USH2A: variants seen among roughly 807,000 people sequenced by gnomAD.
USH2A encodes Usher syndrome 2A (autosomal recessive, mild).
USH2A carries 443 observed loss-of-function variants against 538.9 expected under a neutral mutation model. The observed-to-expected ratio is 0.82, with a 90% CI of 0.76 to 0.89. The LOEUF is 0.89. Ranked by LOEUF, USH2A falls within the 40% of genes least tolerant of loss-of-function variation. The pLI is 0.00. For missense variants in USH2A, 6,633 were observed against 6,324.8 expected (o/e 1.05, Z -1.65); for synonymous variants, 2,413 against 2,273.5 (o/e 1.06, Z -1.75).
intron 64 of USH2A, among the ~76,000 whole-genome samples, chr1:215,655,780 C>T (rs1351049485): frequency 3.8e-5 from 5 of 132,308 alleles, no homozygotes; most frequent in South Asian, 2.8e-4. Context: ...CTTTCACCAA[C>T]GCTGGAATGG....
intron 13 of USH2A, among the ~76,000 whole-genome samples, chr1:216,242,027 CT>C (rs1008626182): frequency 6.6e-5 from 10 of 151,982 alleles, no homozygotes; most frequent in African/African-American, 2.4e-4. Flanking sequence ...TCTTATTTCC[CT>C]TGTTAAAGTT....
At chr1:216,023,931 T>G (rs2102504330) in intron 32 of USH2A, among the ~76,000 whole-genome samples, 1 of 152,214 alleles carries the variant, frequency 6.6e-6, no homozygotes, top group South Asian at 2.1e-4. Context: ...CCTCCTCACA[T>G]TCCCAGCTCA....
chr1:215,644,594 G>A (rs1361228823), intron 67 of USH2A, among the ~76,000 whole-genome samples: 1 of 152,172 alleles, frequency 6.6e-6, no homozygotes, highest in East Asian at 1.9e-4. Flanking sequence ...GGGTGGTAAT[G>A]AAAATGAGGG....
intron 56 of USH2A, among the ~76,000 whole-genome samples, chr1:215,760,795 T>G (rs1294707969): frequency 6.6e-6 from 1 of 152,120 alleles, no homozygotes; most frequent in African/African-American, 2.4e-5. Flanking sequence ...TACTTTCACT[T>G]CTCCTGGTCC....
At chr1:216,148,615 A>T (rs2033763620) in intron 21 of USH2A, among the ~76,000 whole-genome samples, 1 of 151,996 alleles carries the variant, frequency 6.6e-6, no homozygotes, top group Non-Finnish European at 1.5e-5. Flanking sequence ...TAAAGCCTAT[A>T]AACTCTCCTT....
At chr1:215,675,655 T>C (rs769774260) in intron 62 of USH2A, 39 bp from the exon 63 acceptor site, 1 of 1,613,876 alleles carries the variant, frequency 6.2e-7, no homozygotes, top group African/African-American at 1.3e-5. Context: ...ACTTGCAGCA[T>C]ACAATTTCTT....
intron 26 of USH2A, among the ~76,000 whole-genome samples, chr1:216,081,699 C>T (rs2031947998): frequency 6.6e-6 from 1 of 152,038 alleles, no homozygotes; most frequent in Admixed American, 6.6e-5. Flanking sequence ...TTCAGCAATC[C>T]TCTTGCCTCA....
At chr1:215,873,579 T>G (rs1664676740) in intron 43 of USH2A, among the ~76,000 whole-genome samples, 1 of 152,176 alleles carries the variant, frequency 6.6e-6, no homozygotes, top group Non-Finnish European at 1.5e-5. Flanking sequence ...ACTTGAAACA[T>G]CTTTATTTTA....
intron 41 of USH2A, among the ~76,000 whole-genome samples, chr1:215,885,153 T>C (rs1665014360): frequency 6.6e-6 from 1 of 152,178 alleles, no homozygotes. Flanking sequence ...ACCTTCTTCC[T>C]AATCTGATTT....
At chr1:216,038,575 C>A (rs1403549416) in intron 32 of USH2A, among the ~76,000 whole-genome samples, 1 of 151,952 alleles carries the variant, frequency 6.6e-6, no homozygotes, top group African/African-American at 2.4e-5. Context: ...AAAGCAATCA[C>A]CTGAGTCAAG....
intron 9 of USH2A, among the ~76,000 whole-genome samples, chr1:216,294,448 A>T (rs567148555): frequency 1.3e-5 from 2 of 151,944 alleles, no homozygotes; most frequent in African/African-American, 2.4e-5. Flanking sequence ...GTATAATTAA[A>T]CATCATGTAT....
intron 61 of USH2A, among the ~76,000 whole-genome samples, chr1:215,706,491 G>A (rs989971667): frequency 2.6e-5 from 4 of 152,234 alleles, no homozygotes; most frequent in African/African-American, 4.8e-5. Flanking sequence ...TATGATGACT[G>A]TTGAGGCTAA....
In USH2A at chr1:215,771,257, T is replaced by C. The variant is rs1435173316; in HGVS notation, c.10940-4469A>G. Among the ~76,000 whole-genome samples, 5 of 151,668 alleles carry C rather than the reference T, an allele frequency of 3.3e-5. No individual in the cohort carries two copies. The East Asian group carries it at 9.9e-4, about 30-fold the overall frequency. On this transcript the variant is annotated intron_variant, in intron 55 of 71. Coordinates refer to ENST00000307340, the MANE Select transcript of USH2A (RefSeq NM_206933.4). ...CTTATAACAAAAACGATGACATAAA[T>C]AGCTCAAAGCCCAGTCAAATTTCCA...
Position 215,647,639 on chromosome 1 carries a change from GCCCCAGCCCCGTGTACTTT to G in USH2A, c.14655_14673del (p.Lys4886ArgfsTer16). ...TGGAGACCCCCAAGGCTGGCTTTCT[GCCCCAGCCCCGTGTACTTT>G]GTTTCTATTTGGCTGGGAGTACAGG... On this transcript the variant is annotated frameshift_variant, in exon 67 of 72. Transcript: ENST00000307340. LOFTEE classifies it high-confidence loss of function. 1 of 1,614,084 alleles carries G rather than the reference GCCCCAGCCCCGTGTACTTT, an allele frequency of 6.2e-7. No homozygotes were observed. The highest frequency in any genetic ancestry group is 8.5e-7 in the Non-Finnish European group (1 of 1,180,018).
intron 58 of USH2A, among the ~76,000 whole-genome samples, chr1:215,748,329 C>T (rs1660539535): frequency 6.6e-6 from 1 of 152,136 alleles, no homozygotes; most frequent in Non-Finnish European, 1.5e-5. Context: ...TTCTTTAGAT[C>T]TTCCTAATAT....
At chr1:216,236,697 G>A (rs937136594) in intron 13 of USH2A, among the ~76,000 whole-genome samples, 1 of 152,270 alleles carries the variant, frequency 6.6e-6, no homozygotes, top group African/African-American at 2.4e-5. Context: ...GGAGTCTAGA[G>A]AGGAGTGTAT....
chr1:215,928,076 G>A (rs548278440), intron 38 of USH2A, among the ~76,000 whole-genome samples: 112 of 152,208 alleles, frequency 7.4e-4, no homozygotes, highest in African/African-American at 2.5e-3. Flanking sequence ...GTTTATGCCA[G>A]ACACTGGAGC....
intron 3 of USH2A, among the ~76,000 whole-genome samples, chr1:216,398,903 A>C (rs2039262208): frequency 6.6e-6 from 1 of 152,220 alleles, no homozygotes; most frequent in South Asian, 2.1e-4. Context: ...TCCTCTGCTC[A>C]GTGGAAGTTG....
intron 64 of USH2A, among the ~76,000 whole-genome samples, chr1:215,668,345 T>C (rs1441339540): frequency 6.6e-6 from 1 of 152,332 alleles, no homozygotes; most frequent in East Asian, 1.9e-4. Flanking sequence ...TTACACAGGC[T>C]AAATGAAACT....
Sources: allele counts gnomAD v4.1 joint callset (sites outside exome capture counted in the v4.1 genomes callset), GRCh38; gene constraint gnomAD v4.1.1; transcripts MANE v1.5; gene names NCBI Gene and HGNC (gene_info 2026-07-23, HGNC 2026-07-21).